Variants in RGS9 observed in about 807,000 individuals in gnomAD.
RGS9 encodes the protein regulator of G protein signaling 9.
Under a neutral mutation model 102.0 loss-of-function variants are expected in RGS9, and 78 were observed. That is an observed-to-expected ratio of 0.76 (90% CI 0.64 to 0.92). RGS9 has a LOEUF of 0.92. RGS9 is among the 40% of genes least tolerant of loss of function. The pLI, the probability that RGS9 is intolerant of heterozygous loss-of-function variation, is 0.00. For missense variants in RGS9, 833 were observed against 866.1 expected (o/e 0.96, Z 0.48); for synonymous variants, 353 against 318.6 (o/e 1.11, Z -1.15).
chr17:65,216,498 G>A (rs940038767), intron 17 of RGS9, among the ~76,000 whole-genome samples: 4 of 152,216 alleles, frequency 2.6e-5, no homozygotes, highest in African/African-American at 7.2e-5. Flanking sequence ...TTAGCCGGGC[G>A]TGGTGGCAGG....
intron 1 of RGS9, among the ~76,000 whole-genome samples, chr17:65,144,115 C>T (rs78505910): frequency 0.023 from 3,506 of 152,098 alleles, 129 homozygotes; most frequent in African/African-American, 0.079. Flanking sequence ...TGCGAGACAT[C>T]GGGTGAGACA....
rs756695488 is a variant in RGS9, at chr17:65,201,986, C to A, written c.977-7C>A. 1.0e-5 allele frequency: 16 copies of A among 1,606,588 alleles called. No individual in the cohort carries two copies. The highest frequency in any genetic ancestry group is 1.3e-5 in the African/African-American group (1 of 74,762). ...GCCCTCATCCACGTGGACTTCTCAC[C>A]ATGCAGGAGAGAATCTGGGATTCTG... On this transcript the variant is annotated splice_polypyrimidine_tract_variant and splice_region_variant and intron_variant, in intron 13 of 18. Coordinates refer to ENST00000262406, the MANE Select transcript of RGS9 (RefSeq NM_003835.4).
chr17:65,209,786 C>T (rs555634485), intron 16 of RGS9, among the ~76,000 whole-genome samples: 1 of 152,328 alleles, frequency 6.6e-6, no homozygotes, highest in African/African-American at 2.4e-5. Flanking sequence ...CTTTTGAAAA[C>T]AAATGCTCCA....
chr17:65,178,633 A>G (rs1911738202), intron 9 of RGS9, among the ~76,000 whole-genome samples: 1 of 152,092 alleles, frequency 6.6e-6, no homozygotes, highest in Non-Finnish European at 1.5e-5. Context: ...CCACCCAAGT[A>G]GCTAGGACCA....
At chr17:65,189,971 A>T (rs999462266) in intron 10 of RGS9, among the ~76,000 whole-genome samples, 1 of 152,046 alleles carries the variant, frequency 6.6e-6, no homozygotes, top group African/African-American at 2.4e-5. Context: ...AGACTAATAC[A>T]TAATGGCTGA....
intron 9 of RGS9, among the ~76,000 whole-genome samples, chr17:65,179,581 G>C (rs906322803): frequency 1.3e-4 from 20 of 151,876 alleles, no homozygotes; most frequent in Non-Finnish European, 2.8e-4. Flanking sequence ...TCTGAGATGG[G>C]GGGGTGGGAA....
intron 9 of RGS9, among the ~76,000 whole-genome samples, chr17:65,183,008 C>T (rs908257420): frequency 1.3e-5 from 2 of 151,904 alleles, no homozygotes; most frequent in Non-Finnish European, 2.9e-5. Flanking sequence ...TTCACATGAT[C>T]GCAATCTTAA....
intron 9 of RGS9, among the ~76,000 whole-genome samples, chr17:65,178,480 C>CTATTTATT (rs146258319): frequency 0.017 from 2,534 of 150,384 alleles, 88 homozygotes; most frequent in African/African-American, 0.058. Context: ...TTTTTTTTTC[C>CTATTTATT]TATTTATTTA....
intron 8 of RGS9, among the ~76,000 whole-genome samples, chr17:65,175,669 A>G (rs1006307716): frequency 7.2e-5 from 11 of 152,076 alleles, no homozygotes; most frequent in Non-Finnish European, 1.6e-4. Flanking sequence ...ACTTGTAACA[A>G]CTAGGGTAAG....
At chr17:65,212,547 GA>G (rs1272539380) in intron 17 of RGS9, among the ~76,000 whole-genome samples, 2 of 152,204 alleles carry the variant, frequency 1.3e-5, no homozygotes, top group Admixed American at 1.3e-4. Flanking sequence ...AGAGTGAACC[GA>G]AAGGCCAGGT....
Position 65,197,251 on chromosome 17 carries a change from T to C in RGS9, c.976+10T>C, listed in dbSNP as rs1415541690. On this transcript the variant is annotated intron_variant, in intron 13 of 18. Coordinates refer to ENST00000262406, the MANE Select transcript of RGS9 (RefSeq NM_003835.4). Reference sequence around the variant, plus strand: ...AAGAAAGAATTCAGTGGTGGGTCTTTGTTTACAAAAAAAAATTAAAATAAC... The same window carrying C: ...AAGAAAGAATTCAGTGGTGGGTCTTCGTTTACAAAAAAAAATTAAAATAAC... 6.5e-7 allele frequency: 1 copy of C among 1,546,682 alleles called. No homozygotes were observed. The highest frequency in any genetic ancestry group is 1.7e-5 in the Admixed American group (1 of 59,218).
chr17:65,160,711 G>C, intron 5 of RGS9, 124 bp downstream of exon 5: 5 of 1,386,060 alleles, frequency 3.6e-6, no homozygotes, highest in Non-Finnish European at 5.1e-6. Context: ...CATCTGTACT[G>C]GGCATGTCCC....
intron 2 of RGS9, among the ~76,000 whole-genome samples, chr17:65,154,061 C>T (rs1910681990): frequency 6.6e-6 from 1 of 152,176 alleles, no homozygotes. Flanking sequence ...AATCCCAGCA[C>T]TTTGGGAGGC....
intron 15 of RGS9, among the ~76,000 whole-genome samples, chr17:65,206,699 CA>C (rs1250201928): frequency 1.3e-5 from 2 of 152,014 alleles, no homozygotes; most frequent in African/African-American, 4.8e-5. Flanking sequence ...AACAAACAAA[CA>C]AAAAAACCTG....
intron 3 of RGS9, among the ~76,000 whole-genome samples, chr17:65,159,366 A>G (rs1291109468): frequency 2.6e-5 from 4 of 152,184 alleles, no homozygotes; most frequent in Non-Finnish European, 4.4e-5. Context: ...AATTTAGAAA[A>G]TGGATTGGAG....
In RGS9 at chr17:65,153,528, C is replaced by T; in HGVS notation, c.154+10C>T. The T allele has an allele frequency of 6.2e-7, 1 of 1,608,194 alleles. No individual in the cohort carries two copies. Among genetic ancestry groups the T allele is most frequent in the Non-Finnish European group, 8.5e-7 (1 of 1,174,490 alleles). ...CCTCATGCCATGACAGGTGATGTAG[C>T]TTGCACTTTAGTCTTGGCCTGGAAT... On this transcript the variant is annotated intron_variant, in intron 2 of 18. Transcript: ENST00000262406.
chr17:65,195,172 C>A (rs1293769041), intron 12 of RGS9, among the ~76,000 whole-genome samples: 2 of 152,182 alleles, frequency 1.3e-5, no homozygotes, highest in Non-Finnish European at 2.9e-5. Flanking sequence ...CAAGCATGTG[C>A]GGACGCTGGC....
In RGS9 at chr17:65,138,359, G is replaced by A. The variant is rs76885698; in HGVS notation, c.57+762G>A. Among the ~76,000 whole-genome samples the A allele has an allele frequency of 1.6e-3, 250 of 152,240 alleles. 1 individual carries two copies. The highest frequency in any genetic ancestry group is 3.2e-3 in the Non-Finnish European group (216 of 68,024). On this transcript the variant is annotated intron_variant, in intron 1 of 18. Transcript: ENST00000262406. ...CCCACCCGTAGCCACTTTTCACAGC[G>A]TAGTGTCCATCTTCTTAGGCTTATC...
chr17:65,160,552 C>G lies in RGS9; in HGVS notation c.329C>G (p.Pro110Arg), dbSNP rs1201990065. The G allele has an allele frequency of 2.5e-6, 4 of 1,614,156 alleles. No individual in the cohort carries two copies. The highest frequency in any genetic ancestry group is 3.4e-6 in the Non-Finnish European group (4 of 1,180,034). ...CTTTTGCAGACACCGTATTTCTGGC[C>G]CACCCAGCAGTGGCCAGCTGAAGAT... ...LYRFQTPYFW[P>R]TQQWPAEDTD... The change falls in exon 5 of 19, where the codon CCC becomes CGC. Residue 110 changes from proline to arginine, a missense_variant. Transcript: ENST00000262406.
Sources: gnomAD v4.1 joint callset for allele counts (sites outside exome capture counted in the v4.1 genomes callset) on GRCh38, gnomAD v4.1.1 for gene constraint, MANE v1.5 for transcripts, NCBI Gene and HGNC (gene_info 2026-07-23, HGNC 2026-07-21) for gene names.